Variants in ACOXL observed in about 807,000 individuals in gnomAD.
ACOXL encodes acyl-coenzyme A oxidase-like protein.
In ACOXL, 70 loss-of-function variants were observed where a neutral mutation model predicts 71.9. The observed-to-expected ratio is 0.97, with a 90% CI of 0.80 to 1.19. The LOEUF (loss-of-function observed/expected upper bound fraction) is 1.19, where lower values mean the gene tolerates loss of function less well. ACOXL is among the 50% of genes most tolerant of loss of function. ACOXL has a pLI of 0.00. For missense variants in ACOXL, 703 were observed against 736.3 expected, an observed-to-expected ratio of 0.95 and a Z score of 0.52; for synonymous variants, 253 against 281.6, an observed-to-expected ratio of 0.90 and a Z score of 1.02.
At chr2:110,850,399 C>T (rs1420611479) in intron 10 of ACOXL, among the ~76,000 whole-genome samples, 3 of 152,202 alleles carry the variant, frequency 2.0e-5, no homozygotes, top group Non-Finnish European at 2.9e-5. Flanking sequence ...AGAACTCTTA[C>T]AGCCCCTTCA....
At chr2:110,992,821 T>C (rs1000434959) in intron 13 of ACOXL, among the ~76,000 whole-genome samples, 6 of 152,178 alleles carry the variant, frequency 3.9e-5, no homozygotes, top group African/African-American at 1.4e-4. Context: ...CCTGTGGACC[T>C]TTAGGAGGTG....
At chr2:111,025,235 G>A (rs1217154086) in intron 14 of ACOXL, among the ~76,000 whole-genome samples, 4 of 152,198 alleles carry the variant, frequency 2.6e-5, no homozygotes, top group Admixed American at 2.0e-4. Context: ...TAAGCAGGTG[G>A]TAGATGTACG....
At chr2:110,947,559 T>G (rs1368895988) in intron 12 of ACOXL, among the ~76,000 whole-genome samples, 1 of 152,198 alleles carries the variant, frequency 6.6e-6, no homozygotes, top group African/African-American at 2.4e-5. Context: ...TTCCTTTCCC[T>G]TTTGCTGGTT....
Position 110,736,204 on chromosome 2 carries a change from AT to A in ACOXL, c.-23+3439del, listed in dbSNP as rs112278989. 1.3e-3 allele frequency among the ~76,000 whole-genome samples: 192 copies of A among 151,530 alleles called. 1 individual carries two copies. Among genetic ancestry groups the A allele is most frequent in the African/African-American group, 4.3e-3 (177 of 41,354 alleles). ...TCCTAAAATGTTTCCTCCTACAGCC[AT>A]TTTTTTTTATTGTGGCAAAATACAC... On this transcript the variant is annotated intron_variant, in intron 1 of 17. Transcript: ENST00000439055.
chr2:111,088,903 C>A (rs1033803383), intron 16 of ACOXL, among the ~76,000 whole-genome samples: 8 of 152,108 alleles, frequency 5.3e-5, no homozygotes, highest in Non-Finnish European at 4.4e-5. Context: ...AGAAAAGGGA[C>A]CATCACTAGA....
Position 110,784,734 on chromosome 2 carries a change from A to G in ACOXL, c.78A>G (p.Ala26=). ...PLLKRAGQDL[A]EKTKNFVSRS... is the part of the protein sequence containing the mutation. Reference sequence around the variant, plus strand: ...TACTGAGTCTATCATATTTTCAGGCAGAGAAAACAAAGAATTTTGTCAGCC... The same window carrying G: ...TACTGAGTCTATCATATTTTCAGGCGGAGAAAACAAAGAATTTTGTCAGCC... The change falls in exon 3 of 18, where the codon GCA becomes GCG. Residue 26 remains alanine, a splice_region_variant and synonymous_variant. Transcript: ENST00000439055. 6.3e-7 allele frequency: 1 copy of G among 1,599,142 alleles called. No individual in the cohort carries two copies. Among genetic ancestry groups the G allele is most frequent in the South Asian group, 1.1e-5 (1 of 88,574 alleles).
chr2:111,051,825 G>A (rs1395270004), intron 16 of ACOXL, among the ~76,000 whole-genome samples: 1 of 152,150 alleles, frequency 6.6e-6, no homozygotes, highest in African/African-American at 2.4e-5. Flanking sequence ...ACATTCCAAT[G>A]TTGCATTCTA....
chr2:110,993,153 T>C (rs1438808625), intron 13 of ACOXL, among the ~76,000 whole-genome samples: 1 of 152,252 alleles, frequency 6.6e-6, no homozygotes, highest in Admixed American at 6.5e-5. Context: ...TAGTTCTTCT[T>C]ATGTTGAATT....
At chr2:110,773,093 C>T (rs919687943) in intron 2 of ACOXL, among the ~76,000 whole-genome samples, 5 of 152,186 alleles carry the variant, frequency 3.3e-5, no homozygotes, top group South Asian at 2.1e-4. Flanking sequence ...TGATCTAAAT[C>T]GTCTACTATT....
intron 1 of ACOXL, among the ~76,000 whole-genome samples, chr2:110,736,376 A>G (rs994852466): frequency 6.6e-6 from 1 of 152,106 alleles, no homozygotes; most frequent in African/African-American, 2.4e-5. Context: ...GTTAGACACT[A>G]ACTCCCCACT....
In ACOXL at chr2:110,933,650, C is replaced by T. The variant is rs1388511580; in HGVS notation, c.1059+8C>T. ...GAGTGCACTGGAGGCATGGTGAGCC[C>T]CAAGGCCTGCAGCCCCCGTGGGTCC... On this transcript the variant is annotated splice_region_variant and intron_variant, in intron 12 of 17. Coordinates refer to ENST00000439055, the MANE Select transcript of ACOXL (RefSeq NM_001142807.4). 2 of 1,605,958 alleles carry T rather than the reference C, an allele frequency of 1.2e-6. No homozygotes were observed. Among genetic ancestry groups the T allele is most frequent in the Non-Finnish European group, 1.7e-6 (2 of 1,176,106 alleles).
intron 14 of ACOXL, among the ~76,000 whole-genome samples, chr2:111,007,149 A>T (rs1215298221): frequency 2.0e-5 from 3 of 152,136 alleles, no homozygotes; most frequent in Non-Finnish European, 4.4e-5. Context: ...AGTGCAACCC[A>T]CTCATTTACA....
chr2:111,112,139 C>A (rs1162740623), intron 17 of ACOXL, among the ~76,000 whole-genome samples: 1 of 152,180 alleles, frequency 6.6e-6, no homozygotes, highest in East Asian at 1.9e-4. Flanking sequence ...AGGAACAAAT[C>A]AACATAAAAT....
At chr2:110,957,443 A>G (rs888614636) in intron 12 of ACOXL, among the ~76,000 whole-genome samples, 5 of 152,188 alleles carry the variant, frequency 3.3e-5, no homozygotes, top group Non-Finnish European at 7.3e-5. Context: ...TGGCTGCTAT[A>G]CGAAGTGCCA....
chr2:110,847,759 G>A (rs181962498), intron 10 of ACOXL, among the ~76,000 whole-genome samples: 5 of 152,356 alleles, frequency 3.3e-5, no homozygotes, highest in Admixed American at 6.5e-5. Flanking sequence ...GCTGGACGGG[G>A]AAAGAGAGAG....
At chr2:110,848,201 A>C (rs1174246170) in intron 10 of ACOXL, among the ~76,000 whole-genome samples, 3 of 152,166 alleles carry the variant, frequency 2.0e-5, no homozygotes, top group African/African-American at 7.2e-5. Flanking sequence ...TTTTCCTCCA[A>C]ATTTTGTAAA....
intron 9 of ACOXL, among the ~76,000 whole-genome samples, chr2:110,815,379 G>A (rs914009014): frequency 6.6e-6 from 1 of 152,122 alleles, no homozygotes; most frequent in East Asian, 1.9e-4. Flanking sequence ...TGATCATTTT[G>A]TCTATTGTAT....
At chr2:111,015,257 C>T (rs2064371997) in intron 14 of ACOXL, among the ~76,000 whole-genome samples, 1 of 152,082 alleles carries the variant, frequency 6.6e-6, no homozygotes, top group South Asian at 2.1e-4. Flanking sequence ...ATAAAGAATA[C>T]CTACAATGCA....
intron 9 of ACOXL, among the ~76,000 whole-genome samples, chr2:110,827,452 C>T (rs893719758): frequency 4.6e-5 from 7 of 152,092 alleles, no homozygotes; most frequent in Admixed American, 2.6e-4. Context: ...TGATGTGGTG[C>T]GCTGGGTAGC....
Sources: allele counts gnomAD v4.1 joint callset (sites outside exome capture counted in the v4.1 genomes callset), GRCh38; gene constraint gnomAD v4.1.1; transcripts MANE v1.5; gene names NCBI Gene and HGNC (gene_info 2026-07-23, HGNC 2026-07-21).